The following STAU1 variants were observed in gnomAD, a reference collection of about 807,000 sequenced individuals.
STAU1 encodes staufen double-stranded RNA binding protein 1, also known as double-stranded RNA-binding protein Staufen homolog 1.
A neutral mutation model predicts 62.9 loss-of-function variants in STAU1; 13 were observed. That is an observed-to-expected ratio of 0.21 (90% CI 0.13 to 0.33). The LOEUF (loss-of-function observed/expected upper bound fraction) is 0.33, where lower values mean the gene tolerates loss of function less well. Among genes scored for constraint, STAU1 ranks in the 10% least tolerant of loss-of-function variants. STAU1 has a pLI of 1.00. For missense variants in STAU1, 571 were observed against 712.1 expected (o/e 0.80, Z 2.25); for synonymous variants, 269 against 265.1 (o/e 1.01, Z -0.14).
intron 5 of STAU1, among the ~76,000 whole-genome samples, chr20:49,140,107 AC>A (rs746357728): frequency 6.6e-6 from 1 of 151,422 alleles, no homozygotes; most frequent in Non-Finnish European, 1.5e-5. Context: ...AATCGCTTGA[AC>A]CCAGGAGGCG....
At chr20:49,203,360 G>A in the STAU1 span, among the ~76,000 whole-genome samples, 1 of 152,134 alleles carries the variant, frequency 6.6e-6, no homozygotes, top group African/African-American at 2.4e-5. Flanking sequence ...GGGAGGCAGA[G>A]GTTGCAGCGA....
intron 3 of STAU1, among the ~76,000 whole-genome samples, chr20:49,164,915 G>A (rs1225269859): frequency 1.3e-5 from 2 of 152,118 alleles, no homozygotes; most frequent in East Asian, 3.8e-4. Context: ...ATAAATAAAT[G>A]TCAATGTACT....
chr20:49,166,078 G>C lies in STAU1; in HGVS notation c.124C>G (p.Leu42Val), dbSNP rs776298777. The change falls in exon 3 of 14, where the codon CTG becomes GTG. Residue 42 changes from leucine to valine, a missense_variant. This residue lies in a region of STAU1 where 414 missense variants were observed against 499.6 expected (regional missense o/e 0.83). Coordinates refer to ENST00000371856, the MANE Select transcript of STAU1 (RefSeq NM_017453.4). ...LMSIPSTTSS[L>V]PSENAGRPIQ... ...GGTCTACCTGCATTTTCAGAGGGCA[G>C]AGAGCTAGTAGTAGAAGGAATACTC... 3 of 1,614,242 alleles carry C rather than the reference G, an allele frequency of 1.9e-6. No homozygotes were observed. Among genetic ancestry groups the C allele is most frequent in the African/African-American group, 1.3e-5 (1 of 75,066 alleles).
intron 5 of STAU1, among the ~76,000 whole-genome samples, chr20:49,150,579 T>C (rs1376152016): frequency 6.6e-6 from 1 of 152,148 alleles, no homozygotes; most frequent in East Asian, 1.9e-4. Context: ...GCCAGGATGG[T>C]CTCAATCTCC....
intron 5 of STAU1, among the ~76,000 whole-genome samples, chr20:49,143,816 T>C (rs562420609): frequency 1.3e-5 from 2 of 152,164 alleles, no homozygotes; most frequent in Non-Finnish European, 2.9e-5. Flanking sequence ...AAACCCAGCT[T>C]CTTATCCCAA....
At chr20:49,119,457 CCGTGAATTT>C (rs2092413223) in intron 9 of STAU1, among the ~76,000 whole-genome samples, 1 of 152,124 alleles carries the variant, frequency 6.6e-6, no homozygotes, top group Non-Finnish European at 1.5e-5. Context: ...CCACACCTGG[CCGTGAATTT>C]TTCAACAGGG....
the STAU1 span, among the ~76,000 whole-genome samples, chr20:49,215,029 G>T: frequency 6.6e-6 from 1 of 152,194 alleles, no homozygotes; most frequent in African/African-American, 2.4e-5. Context: ...GAGGTTGCTA[G>T]TCCAAGGCTT....
Position 49,125,613 on chromosome 20 carries a change from G to A in STAU1, c.610-1026C>T, listed in dbSNP as rs944571626. On this transcript the variant is annotated intron_variant, in intron 6 of 13. Coordinates refer to ENST00000371856, the MANE Select transcript of STAU1 (RefSeq NM_017453.4). The stretch of plus-strand genomic sequence containing the variant: ...TGTAATCCCAGCACTTTGGGAGGCC[G>A]AGGCAGGTGGATCACGAGGTCAGGA... Among the ~76,000 whole-genome samples, 30 of 151,276 alleles carry A rather than the reference G, an allele frequency of 2.0e-4. No homozygotes were observed. The East Asian group carries it at 2.9e-3, about 15-fold the overall frequency.
Position 49,174,219 on chromosome 20 carries a change from G to A in STAU1, c.-109C>T, listed in dbSNP as rs1381554218. ...CCTTTTTTAAAAAGAGGGCGTTCCA[G>A]GAACAATGTTGTCTTTGTTCAGTTC... On this transcript the variant is annotated 5_prime_UTR_variant, in exon 2 of 14. Coordinates refer to ENST00000371856, the MANE Select transcript of STAU1 (RefSeq NM_017453.4). The A allele has an allele frequency of 6.6e-6, 1 of 152,130 alleles. No homozygotes were observed. The highest frequency in any genetic ancestry group is 1.5e-5 in the Non-Finnish European group (1 of 68,032). The allele number at this position is 152,130 out of a possible 1,614,324, so 9.4% of individuals were successfully genotyped here.
At position 49,174,200 on chromosome 20, in the gene STAU1, T is replaced by C. The variant is rs1158801639; in HGVS notation, c.-90A>G. 6.6e-6 allele frequency: 1 copy of C among 152,190 alleles called. No homozygotes were observed. Among genetic ancestry groups the C allele is most frequent in the Non-Finnish European group, 1.5e-5 (1 of 68,030 alleles). The allele number at this position is 152,190 out of a possible 1,614,324, so 9.4% of individuals were successfully genotyped here. On this transcript the variant is annotated 5_prime_UTR_variant, in exon 2 of 14. Coordinates refer to ENST00000371856, the MANE Select transcript of STAU1 (RefSeq NM_017453.4). ...TAAAGCCAAATTATATGTACCTTTT[T>C]TAAAAAGAGGGCGTTCCAGGAACAA...
At chr20:49,179,473 T>C (rs1401291715) in intron 1 of STAU1, among the ~76,000 whole-genome samples, 1 of 152,192 alleles carries the variant, frequency 6.6e-6, no homozygotes, top group African/African-American at 2.4e-5. Context: ...TATTTGACTG[T>C]CATCTAGGTA....
At chr20:49,204,240 C>G in the STAU1 span, among the ~76,000 whole-genome samples, 1 of 151,876 alleles carries the variant, frequency 6.6e-6, no homozygotes, top group Non-Finnish European at 1.5e-5. Context: ...CCTCCCACCT[C>G]AGCCTCCCAA....
intron 3 of STAU1, 37 bp from the exon 4 acceptor site, chr20:49,154,108 G>A: frequency 2.5e-6 from 4 of 1,572,776 alleles, no homozygotes; most frequent in Non-Finnish European, 3.4e-6. Flanking sequence ...GTTTTTTTCT[G>A]GTATGAGAAT....
At chr20:49,140,889 C>T (rs2092991689) in intron 5 of STAU1, among the ~76,000 whole-genome samples, 1 of 151,780 alleles carries the variant, frequency 6.6e-6, no homozygotes, top group Non-Finnish European at 1.5e-5. Flanking sequence ...TTGTGCTAAC[C>T]CCAGATTAAC....
At chr20:49,217,144 A>G in the STAU1 span, among the ~76,000 whole-genome samples, 1 of 152,024 alleles carries the variant, frequency 6.6e-6, no homozygotes, top group Non-Finnish European at 1.5e-5. Context: ...AAAAAGAAAA[A>G]CAAGCAACCC....
At chr20:49,153,251 G>GGAAAAAAAAAAAAAAAA (rs1379385445) in intron 4 of STAU1, among the ~76,000 whole-genome samples, 29 of 99,062 alleles carry the variant, frequency 2.9e-4, no homozygotes, top group African/African-American at 1.1e-3. Flanking sequence ...CTCCGTCTCA[G>GGAAAAAAAAAAAAAAAA]AAAAAAAAAA....
chr20:49,206,060 T>C, the STAU1 span, among the ~76,000 whole-genome samples: 1 of 142,434 alleles, frequency 7.0e-6, no homozygotes, highest in South Asian at 2.3e-4. Context: ...CTCGGCTCAC[T>C]GTAATCTCCG....
At chr20:49,128,820 A>AT (rs2092690392) in intron 6 of STAU1, among the ~76,000 whole-genome samples, 1 of 151,466 alleles carries the variant, frequency 6.6e-6, no homozygotes, top group African/African-American at 2.4e-5. Context: ...ATGTCACAGT[A>AT]TATATGAAAA....
At chr20:49,131,152 A>T (rs1418606907) in intron 6 of STAU1, among the ~76,000 whole-genome samples, 3 of 152,246 alleles carry the variant, frequency 2.0e-5, no homozygotes, top group Non-Finnish European at 4.4e-5. Context: ...GGGCCACTGT[A>T]CAAAAATAAC....
Sources: gnomAD v4.1 joint callset for allele counts (sites outside exome capture counted in the v4.1 genomes callset) on GRCh38, gnomAD v4.1.1 for gene constraint, gnomAD v4.1.1 regional missense constraint, MANE v1.5 for transcripts, NCBI Gene and HGNC (gene_info 2026-07-23, HGNC 2026-07-21) for gene names.